The following GABRA1 variants were observed in gnomAD, a reference collection of about 807,000 sequenced individuals.
The protein encoded by GABRA1 is gamma-aminobutyric acid receptor subunit alpha-1.
A neutral mutation model predicts 48.9 loss-of-function variants in GABRA1; 9 were observed. The ratio of observed to expected loss-of-function variants is 0.18; its 90% CI spans 0.11 to 0.32. The LOEUF (loss-of-function observed/expected upper bound fraction) is 0.32. GABRA1 is among the 10% of genes least tolerant of loss of function. The pLI is 1.00. For missense variants in GABRA1, 285 were observed against 553.8 expected, an observed-to-expected ratio of 0.51 and a Z score of 4.87; for synonymous variants, 210 against 198.7, an observed-to-expected ratio of 1.06 and a Z score of -0.48.
rs139467768 is a variant in GABRA1, at chr5:161,891,040, A to G, written c.846A>G (p.Arg282=). 25 of 1,613,760 alleles carry G rather than the reference A, an allele frequency of 1.5e-5. No homozygotes were observed. In the African/African-American group the frequency reaches 2.9e-4, roughly 19 times the overall value. Reference sequence around the variant, plus strand: ...TCAACAGAGAGTCTGTACCAGCAAGAACTGTCTTTGGTAAGTCCCAATCAA... The same window carrying G: ...TCAACAGAGAGTCTGTACCAGCAAGGACTGTCTTTGGTAAGTCCCAATCAA... ...FWLNRESVPA[R]TVFGVTTVLT... The change falls in exon 8 of 10, where the codon AGA becomes AGG. Residue 282 remains arginine, a synonymous_variant. Coordinates refer to ENST00000393943, the MANE Select transcript of GABRA1 (RefSeq NM_001127644.2).
At chr5:161,878,882 C>A (rs1184511835) in intron 6 of GABRA1, among the ~76,000 whole-genome samples, 2 of 152,044 alleles carry the variant, frequency 1.3e-5, no homozygotes, top group Non-Finnish European at 2.9e-5. Context: ...GCATTGCAAA[C>A]ACACTGAGAG....
intron 5 of GABRA1, 68 bp downstream of exon 5, chr5:161,873,405 A>T: frequency 8.1e-7 from 1 of 1,234,076 alleles, no homozygotes; most frequent in Admixed American, 1.8e-5. Flanking sequence ...GTAGGCAATC[A>T]TCAGGCTGAT....
intron 3 of GABRA1, among the ~76,000 whole-genome samples, chr5:161,862,373 C>A (rs1406855331): frequency 6.6e-6 from 1 of 151,842 alleles, no homozygotes; most frequent in East Asian, 1.9e-4. Flanking sequence ...TTTATTTTCA[C>A]CTCAGATCCT....
At chr5:161,848,976 G>A (rs570914023) in intron 1 of GABRA1, 5 of 455,660 alleles carry the variant, frequency 1.1e-5, no homozygotes, top group Admixed American at 9.4e-5. Context: ...TTGTGTAGGG[G>A]TCTCTCCCAT....
chr5:161,851,863 A>G (rs1346910634), intron 2 of GABRA1, among the ~76,000 whole-genome samples: 1 of 152,154 alleles, frequency 6.6e-6, no homozygotes, highest in African/African-American at 2.4e-5. Flanking sequence ...CTTTTGAAAA[A>G]TTATATGAAG....
chr5:161,894,836 C>T (rs369407415), intron 8 of GABRA1, among the ~76,000 whole-genome samples: 26 of 152,138 alleles, frequency 1.7e-4, no homozygotes, highest in African/African-American at 5.8e-4. Flanking sequence ...AACTTGAAAA[C>T]TTCTTTTGAA....
At chr5:161,895,384 T>C (rs1755315263) in intron 8 of GABRA1, among the ~76,000 whole-genome samples, 1 of 152,126 alleles carries the variant, frequency 6.6e-6, no homozygotes, top group African/African-American at 2.4e-5. Flanking sequence ...ACACCCATGT[T>C]CAAAGCGCCA....
At chr5:161,872,530 T>C (rs1341382684) in intron 4 of GABRA1, among the ~76,000 whole-genome samples, 1 of 152,166 alleles carries the variant, frequency 6.6e-6, no homozygotes, top group African/African-American at 2.4e-5. Context: ...TTCTTTGTTT[T>C]CACAATCTTC....
At chr5:161,876,300 A>G (rs1357606872) in intron 6 of GABRA1, among the ~76,000 whole-genome samples, 3 of 152,106 alleles carry the variant, frequency 2.0e-5, no homozygotes, top group African/African-American at 7.2e-5. Flanking sequence ...CAGCCAAGAG[A>G]AAAATGACTG....
At chr5:161,873,365 A>C (rs777969623) in intron 5 of GABRA1, 28 bp downstream of exon 5, 1 of 1,540,964 alleles carries the variant, frequency 6.5e-7, no homozygotes, top group South Asian at 1.1e-5. Flanking sequence ...GCCATTCATG[A>C]ATGTTTCTGT....
chr5:161,874,888 A>G (rs1394771972), intron 5 of GABRA1, among the ~76,000 whole-genome samples: 2 of 152,138 alleles, frequency 1.3e-5, no homozygotes, highest in African/African-American at 4.8e-5. Flanking sequence ...AATCCAAAAA[A>G]AAACAAAACA....
intron 2 of GABRA1, among the ~76,000 whole-genome samples, chr5:161,851,217 C>T (rs1757434871): frequency 6.6e-6 from 1 of 152,130 alleles, no homozygotes; most frequent in Non-Finnish European, 1.5e-5. Flanking sequence ...TGGTTGCATA[C>T]TGTGTAACCT....
chr5:161,866,817 T>A (rs1412093987), intron 4 of GABRA1, among the ~76,000 whole-genome samples: 5 of 152,098 alleles, frequency 3.3e-5, no homozygotes, highest in Admixed American at 3.3e-4. Context: ...AATCAGATAT[T>A]TTAGATTTTA....
At chr5:161,857,981 A>G (rs1031048554) in intron 3 of GABRA1, among the ~76,000 whole-genome samples, 17 of 143,608 alleles carry the variant, frequency 1.2e-4, no homozygotes, top group Non-Finnish European at 1.7e-4. Flanking sequence ...ATGTGAAAGA[A>G]AAAAGTTAAA....
At chr5:161,893,504 A>G (rs1014982182) in intron 8 of GABRA1, among the ~76,000 whole-genome samples, 1 of 150,758 alleles carries the variant, frequency 6.6e-6, no homozygotes, top group African/African-American at 2.5e-5. Flanking sequence ...TTCAAAAAGA[A>G]AAAAACAAAA....
At chr5:161,893,737 T>C (rs1440718050) in intron 8 of GABRA1, among the ~76,000 whole-genome samples, 1 of 152,182 alleles carries the variant, frequency 6.6e-6, no homozygotes, top group Non-Finnish European at 1.5e-5. Flanking sequence ...TTGGCAAATT[T>C]ACTTCCTCTT....
At chr5:161,860,636 A>T (rs976714851) in intron 3 of GABRA1, among the ~76,000 whole-genome samples, 1 of 151,932 alleles carries the variant, frequency 6.6e-6, no homozygotes, top group Admixed American at 6.6e-5. Flanking sequence ...CTAAAAGAGT[A>T]TAATTGGATT....
intron 7 of GABRA1, among the ~76,000 whole-genome samples, chr5:161,889,986 G>A (rs943786903): frequency 6.6e-6 from 1 of 151,962 alleles, no homozygotes; most frequent in Non-Finnish European, 1.5e-5. Context: ...GTTAAGATGT[G>A]ACTACAGCCT....
At chr5:161,863,973 T>G (rs113736657) in intron 3 of GABRA1, among the ~76,000 whole-genome samples, 1 of 152,028 alleles carries the variant, frequency 6.6e-6, no homozygotes, top group South Asian at 2.1e-4. Context: ...CCACAGAAAC[T>G]TCCCCCCTTG....
Sources: allele counts gnomAD v4.1 joint callset (sites outside exome capture counted in the v4.1 genomes callset), GRCh38; gene constraint gnomAD v4.1.1; transcripts MANE v1.5; gene names NCBI Gene and HGNC (gene_info 2026-07-23, HGNC 2026-07-21).